The following RHOJ variants were observed in gnomAD, a reference collection of about 807,000 sequenced individuals.
RHOJ encodes the protein ras homolog family member J.
RHOJ carries 11 observed loss-of-function variants against 23.4 expected under a neutral mutation model. The observed-to-expected ratio is 0.47, with a 90% CI of 0.30 to 0.78. The LOEUF is 0.78. Ranked by LOEUF, RHOJ falls within the 30% of genes least tolerant of loss-of-function variation. The probability of loss-of-function intolerance (pLI) is 0.08; values close to 1 mark genes in which losing one functional copy is unlikely to be tolerated. For synonymous variants in RHOJ, 102 were observed against 102.7 expected, an observed-to-expected ratio of 0.99 and a Z score of 0.04; for missense variants, 254 against 273.4, an observed-to-expected ratio of 0.93 and a Z score of 0.50.
At chr14:63,225,866 G>C (rs1025864884) in intron 1 of RHOJ, among the ~76,000 whole-genome samples, 4 of 152,100 alleles carry the variant, frequency 2.6e-5, no homozygotes, top group African/African-American at 9.7e-5. Context: ...AATCTTGCAG[G>C]TATCAGAAAC....
intron 1 of RHOJ, among the ~76,000 whole-genome samples, chr14:63,221,240 G>A (rs573101832): frequency 4.8e-4 from 73 of 152,270 alleles, no homozygotes; most frequent in Non-Finnish European, 1.0e-3. Context: ...TGAGGTGGGA[G>A]GATTGCTTGA....
intron 1 of RHOJ, among the ~76,000 whole-genome samples, chr14:63,214,232 A>C (rs1894302720): frequency 6.6e-6 from 1 of 152,236 alleles, no homozygotes; most frequent in Non-Finnish European, 1.5e-5. Context: ...ATTTAGAGAC[A>C]GAGCTGTGAA....
intron 1 of RHOJ, among the ~76,000 whole-genome samples, chr14:63,242,322 TGAG>T (rs1226049992): frequency 6.6e-6 from 1 of 152,140 alleles, no homozygotes; most frequent in Non-Finnish European, 1.5e-5. Flanking sequence ...ATCCCATACT[TGAG>T]GAGGCAGGAG....
At chr14:63,221,571 C>T (rs901281876) in intron 1 of RHOJ, among the ~76,000 whole-genome samples, 15 of 152,294 alleles carry the variant, frequency 9.8e-5, no homozygotes, top group Admixed American at 3.3e-4. Flanking sequence ...AGAAACAAAA[C>T]GGATTCCCCA....
rs191405061 is a variant in RHOJ, at chr14:63,217,932, G to T, written c.178+12885G>T. Among the ~76,000 whole-genome samples the T allele has an allele frequency of 7.5e-4, 114 of 152,316 alleles. 1 individual carries two copies. The South Asian group carries it at 9.3e-3, about 12-fold the overall frequency. On this transcript the variant is annotated intron_variant, in intron 1 of 4. Transcript: ENST00000316754. ...CGATTACTTGCAGGCCTAACAGGAT[G>T]TAAACTCTAAATATTCTTTTAGATT...
chr14:63,232,694 CTTTT>C lies in RHOJ; in HGVS notation c.178+27664_178+27667del, dbSNP rs373918863. ...TCCATTTAAAGTCTTTTTTTCTTGC[CTTTT>C]TTTTTTTTTTTTTTTTGAGACAGGG... On this transcript the variant is annotated intron_variant, in intron 1 of 4. Coordinates refer to ENST00000316754, the MANE Select transcript of RHOJ (RefSeq NM_020663.5). Among the ~76,000 whole-genome samples the C allele has an allele frequency of 5.2e-5, 6 of 115,630 alleles. No individual in the cohort carries two copies. In the East Asian group the frequency reaches 1.5e-3, roughly 28 times the overall value. 75.9% of individuals were successfully genotyped at this position (115,630 alleles called of 152,430 possible). A position where few individuals can be genotyped will look rare whatever the true frequency, so the allele number is the denominator to read the frequency against.
chr14:63,268,717 C>T (rs761459991), intron 1 of RHOJ, among the ~76,000 whole-genome samples: 1 of 152,126 alleles, frequency 6.6e-6, no homozygotes, highest in Admixed American at 6.5e-5. Context: ...AAGCTACTTA[C>T]ACAATTCTGT....
chr14:63,212,844 C>A (rs1361132828), intron 1 of RHOJ, among the ~76,000 whole-genome samples: 1 of 152,192 alleles, frequency 6.6e-6, no homozygotes, highest in Non-Finnish European at 1.5e-5. Context: ...AACATTCTGT[C>A]ATTTTCCGGT....
At chr14:63,290,205 C>A (rs1008015999) in intron 4 of RHOJ, among the ~76,000 whole-genome samples, 2 of 152,142 alleles carry the variant, frequency 1.3e-5, no homozygotes, top group African/African-American at 4.8e-5. Flanking sequence ...GGTGCCACTG[C>A]ACTCCAGCCT....
intron 1 of RHOJ, among the ~76,000 whole-genome samples, chr14:63,233,314 A>G (rs1426318432): frequency 2.0e-5 from 3 of 152,188 alleles, no homozygotes; most frequent in Non-Finnish European, 4.4e-5. Flanking sequence ...TCTTGGGTAC[A>G]AGGTTTCTTT....
At chr14:63,288,129 A>T in intron 4 of RHOJ, 1 of 961,658 alleles carries the variant, frequency 1.0e-6, no homozygotes, top group Non-Finnish European at 1.2e-6. Context: ...AGTACAACAT[A>T]ATGTCATATT....
At chr14:63,286,538 C>T (rs140321915) in intron 4 of RHOJ, among the ~76,000 whole-genome samples, 1 of 152,236 alleles carries the variant, frequency 6.6e-6, no homozygotes, top group African/African-American at 2.4e-5. Flanking sequence ...AACTGACGGG[C>T]CAAAGTTCAC....
chr14:63,286,804 T>C (rs1461375964), intron 4 of RHOJ, among the ~76,000 whole-genome samples: 1 of 152,236 alleles, frequency 6.6e-6, no homozygotes, highest in African/African-American at 2.4e-5. Context: ...CAGCCTTGAA[T>C]TGGCATCTCT....
intron 2 of RHOJ, among the ~76,000 whole-genome samples, chr14:63,278,078 C>T (rs1881790075): frequency 6.6e-6 from 1 of 152,094 alleles, no homozygotes; most frequent in African/African-American, 2.4e-5. Context: ...GATTATTCAG[C>T]TGTGCACCCA....
At chr14:63,281,268 T>C in intron 3 of RHOJ, 133 bp downstream of exon 3, 1 of 809,038 alleles carries the variant, frequency 1.2e-6, no homozygotes, top group East Asian at 2.9e-5. Flanking sequence ...TGAACAGAAG[T>C]TCTTAAGGTG....
chr14:63,221,968 C>T (rs1894503539), intron 1 of RHOJ, among the ~76,000 whole-genome samples: 6 of 102,356 alleles, frequency 5.9e-5, no homozygotes. Context: ...TGCTATCCCT[C>T]CCCCCTCCCC....
In RHOJ at chr14:63,291,044, C is replaced by T; in HGVS notation, c.*20C>T. On this transcript the variant is annotated 3_prime_UTR_variant, in exon 5 of 5. Transcript: ENST00000316754. ...ATCTGAGGTTGTCTGGGACCTGCCT[C>T]CACCCCATCCAGGGATGAGAATGGC... 6.2e-7 allele frequency: 1 copy of T among 1,613,530 alleles called. No homozygotes were observed. Among genetic ancestry groups the T allele is most frequent in the Non-Finnish European group, 8.5e-7 (1 of 1,179,824 alleles).
At chr14:63,258,397 A>G (rs907511755) in intron 1 of RHOJ, among the ~76,000 whole-genome samples, 1 of 152,058 alleles carries the variant, frequency 6.6e-6, no homozygotes, top group Non-Finnish European at 1.5e-5. Context: ...AGAGAAAGAT[A>G]TGAGGTTAGT....
chr14:63,266,241 G>T (rs1402885575), intron 1 of RHOJ, among the ~76,000 whole-genome samples: 1 of 152,140 alleles, frequency 6.6e-6, no homozygotes, highest in African/African-American at 2.4e-5. Flanking sequence ...GTTGCAATTT[G>T]GTATCTTATT....
Sources: allele counts gnomAD v4.1 joint callset (sites outside exome capture counted in the v4.1 genomes callset), GRCh38; gene constraint gnomAD v4.1.1; transcripts MANE v1.5; gene names NCBI Gene and HGNC (gene_info 2026-07-23, HGNC 2026-07-21).